The following DIAPH3 variants were observed in gnomAD, a reference collection of about 807,000 sequenced individuals.
The protein encoded by DIAPH3 is diaphanous related formin 3.
Under a neutral mutation model 144.3 loss-of-function variants are expected in DIAPH3, and 117 were observed. That is an observed-to-expected ratio of 0.81 (90% CI 0.70 to 0.95). The LOEUF is 0.95. Among genes scored for constraint, DIAPH3 ranks in the 40% least tolerant of loss-of-function variants. The probability of loss-of-function intolerance (pLI) is 0.00; values close to 1 mark genes in which losing one functional copy is unlikely to be tolerated. For synonymous variants in DIAPH3, 519 were observed against 488.9 expected, an observed-to-expected ratio of 1.06 and a Z score of -0.81; for missense variants, 1,421 against 1,412.7, an observed-to-expected ratio of 1.01 and a Z score of -0.09.
chr13:59,928,087 C>G (rs1023131100), intron 17 of DIAPH3, among the ~76,000 whole-genome samples: 1 of 151,914 alleles, frequency 6.6e-6, no homozygotes, highest in Admixed American at 6.6e-5. Flanking sequence ...CTCTATTTTT[C>G]TTTTTTTGGT....
chr13:59,845,886 T>G (rs949444144), intron 22 of DIAPH3, among the ~76,000 whole-genome samples: 6 of 152,216 alleles, frequency 3.9e-5, no homozygotes, highest in African/African-American at 1.4e-4. Context: ...ATCTTTGTAT[T>G]TTCGTTACAA....
At chr13:60,065,550 A>G (rs772594038) in intron 4 of DIAPH3, among the ~76,000 whole-genome samples, 4 of 152,270 alleles carry the variant, frequency 2.6e-5, no homozygotes, top group Middle Eastern at 6.8e-3. Context: ...AAATGAATGA[A>G]CAAGGGAGAG....
intron 17 of DIAPH3, among the ~76,000 whole-genome samples, chr13:59,938,002 G>T (rs117332461): frequency 3.9e-5 from 6 of 152,044 alleles, no homozygotes; most frequent in African/African-American, 1.4e-4. Flanking sequence ...CTGCTTTTAC[G>T]TTCTTGTTTT....
intron 17 of DIAPH3, among the ~76,000 whole-genome samples, chr13:59,942,880 A>G (rs891754831): frequency 6.6e-6 from 1 of 152,208 alleles, no homozygotes; most frequent in African/African-American, 2.4e-5. Flanking sequence ...ATTTGTTTTA[A>G]CAGCTTCATA....
At chr13:60,092,873 C>A (rs901405456) in intron 4 of DIAPH3, among the ~76,000 whole-genome samples, 1 of 152,038 alleles carries the variant, frequency 6.6e-6, no homozygotes, top group African/African-American at 2.4e-5. Flanking sequence ...GTTAAAATAC[C>A]CAAGGAAAAC....
At chr13:59,676,001 A>T (rs539748851) in intron 27 of DIAPH3, among the ~76,000 whole-genome samples, 15 of 152,344 alleles carry the variant, frequency 9.8e-5, no homozygotes, top group African/African-American at 3.4e-4. Context: ...CTCATCACAT[A>T]GTGTGCTTTT....
chr13:60,098,501 G>T (rs2058173697), intron 3 of DIAPH3, among the ~76,000 whole-genome samples: 1 of 151,664 alleles, frequency 6.6e-6, no homozygotes, highest in African/African-American at 2.4e-5. Context: ...AGCTGGGAGG[G>T]GGTACTAAAA....
intron 17 of DIAPH3, among the ~76,000 whole-genome samples, chr13:59,925,215 C>T (rs1372225861): frequency 1.3e-5 from 2 of 152,108 alleles, no homozygotes; most frequent in Non-Finnish European, 2.9e-5. Context: ...AAAATTAAAA[C>T]ACCTGCACTC....
At chr13:59,888,997 C>T (rs2045624310) in intron 20 of DIAPH3, among the ~76,000 whole-genome samples, 1 of 151,906 alleles carries the variant, frequency 6.6e-6, no homozygotes, top group Admixed American at 6.6e-5. Context: ...ATGTACTGTG[C>T]CTTTTATCTT....
At chr13:59,950,005 G>C (rs1043211672) in intron 17 of DIAPH3, among the ~76,000 whole-genome samples, 3 of 152,116 alleles carry the variant, frequency 2.0e-5, no homozygotes, top group Non-Finnish European at 4.4e-5. Context: ...AATAAAAGTA[G>C]TCTCTTAATT....
intron 18 of DIAPH3, among the ~76,000 whole-genome samples, chr13:59,921,995 T>C (rs1396212109): frequency 6.6e-6 from 1 of 152,056 alleles, no homozygotes; most frequent in African/African-American, 2.4e-5. Flanking sequence ...TTTGACAGAA[T>C]TCATCATTCT....
chr13:59,847,332 G>T (rs999582336), intron 22 of DIAPH3, among the ~76,000 whole-genome samples: 1 of 152,146 alleles, frequency 6.6e-6, no homozygotes, highest in African/African-American at 2.4e-5. Flanking sequence ...TATGGAACAT[G>T]GAAAGAAGAA....
chr13:59,891,151 A>C (rs1034279235), intron 20 of DIAPH3, among the ~76,000 whole-genome samples: 1 of 152,086 alleles, frequency 6.6e-6, no homozygotes, highest in African/African-American at 2.4e-5. Flanking sequence ...AGAGTACAGA[A>C]AAATGATTCC....
intron 2 of DIAPH3, among the ~76,000 whole-genome samples, chr13:60,125,431 G>C (rs1012753151): frequency 1.6e-5 from 2 of 125,650 alleles, no homozygotes; most frequent in African/African-American, 6.0e-5. Flanking sequence ...GGTAGAGACA[G>C]GGTCTCCCTA....
intron 1 of DIAPH3, among the ~76,000 whole-genome samples, chr13:60,148,115 C>A (rs1951621032): frequency 6.6e-6 from 1 of 152,074 alleles, no homozygotes; most frequent in Non-Finnish European, 1.5e-5. Flanking sequence ...GAAAATAAAT[C>A]CAAGGATAAA....
intron 17 of DIAPH3, among the ~76,000 whole-genome samples, chr13:59,955,195 A>T (rs1236472110): frequency 6.6e-6 from 1 of 151,834 alleles, no homozygotes; most frequent in Non-Finnish European, 1.5e-5. Context: ...ATTACTACTG[A>T]TATGCTTTGG....
intron 4 of DIAPH3, among the ~76,000 whole-genome samples, chr13:60,090,847 G>A (rs989409955): frequency 9.2e-5 from 14 of 152,120 alleles, no homozygotes; most frequent in African/African-American, 3.4e-4. Context: ...AGTCAATGCT[G>A]TAATCACACT....
chr13:60,088,833 G>A (rs2057837553), intron 4 of DIAPH3, among the ~76,000 whole-genome samples: 1 of 152,122 alleles, frequency 6.6e-6, no homozygotes, highest in Non-Finnish European at 1.5e-5. Context: ...TGTTAGCCAG[G>A]CTGGTCTGGA....
chr13:59,961,895 TTTA>T (rs1350316928), intron 17 of DIAPH3, among the ~76,000 whole-genome samples: 2 of 152,196 alleles, frequency 1.3e-5, no homozygotes, highest in South Asian at 2.1e-4. Flanking sequence ...AATATGTTGT[TTTA>T]TTATTATCTA....
Sources: gnomAD v4.1 joint callset for allele counts (sites outside exome capture counted in the v4.1 genomes callset) on GRCh38, gnomAD v4.1.1 for gene constraint, MANE v1.5 for transcripts, NCBI Gene and HGNC (gene_info 2026-07-23, HGNC 2026-07-21) for gene names.